ADAMTSL1: variants seen among roughly 807,000 people sequenced by gnomAD.
The protein encoded by ADAMTSL1 is ADAMTS like 1.
Under a neutral mutation model 201.8 loss-of-function variants are expected in ADAMTSL1, and 126 were observed. The observed-to-expected ratio is 0.62, with a 90% CI of 0.54 to 0.72. The LOEUF is 0.72. ADAMTSL1 is among the 30% of genes least tolerant of loss of function. ADAMTSL1 has a pLI of 0.00. For synonymous variants in ADAMTSL1, 1,121 were observed against 903.4 expected, an observed-to-expected ratio of 1.24 and a Z score of -4.32; for missense variants, 2,679 against 2,277.8, an observed-to-expected ratio of 1.18 and a Z score of -3.59.
At chr9:17,935,628 G>C (rs1260740413) in intron 1 of ADAMTSL1, among the ~76,000 whole-genome samples, 1 of 152,080 alleles carries the variant, frequency 6.6e-6, no homozygotes, top group Non-Finnish European at 1.5e-5. Context: ...TCTTTTATTT[G>C]CTCAGGTCAA....
chr9:18,754,280 T>C (rs1044073695), intron 16 of ADAMTSL1, among the ~76,000 whole-genome samples: 1 of 152,248 alleles, frequency 6.6e-6, no homozygotes, highest in Non-Finnish European at 1.5e-5. Context: ...ACACAACTAT[T>C]TTATCATAAT....
At chr9:18,166,495 A>C (rs1209922563) in intron 2 of ADAMTSL1, among the ~76,000 whole-genome samples, 1 of 151,956 alleles carries the variant, frequency 6.6e-6, no homozygotes, top group Non-Finnish European at 1.5e-5. Flanking sequence ...GAGGTGATAA[A>C]AAAATATTTG....
At chr9:18,896,207 A>T (rs989120213) in intron 26 of ADAMTSL1, among the ~76,000 whole-genome samples, 1 of 152,216 alleles carries the variant, frequency 6.6e-6, no homozygotes. Flanking sequence ...AAAGACATGA[A>T]TCTACAAATC....
chr9:18,053,900 T>G (rs1191181783), intron 1 of ADAMTSL1, among the ~76,000 whole-genome samples: 5 of 152,364 alleles, frequency 3.3e-5, no homozygotes, highest in African/African-American at 1.2e-4. Flanking sequence ...TTGTTTTTTC[T>G]TTTATTGTTG....
At chr9:18,764,388 T>C (rs1266431735) in intron 16 of ADAMTSL1, among the ~76,000 whole-genome samples, 1 of 152,254 alleles carries the variant, frequency 6.6e-6, no homozygotes, top group Non-Finnish European at 1.5e-5. Flanking sequence ...TCTAATAGTT[T>C]TCTTGTGGAG....
intron 1 of ADAMTSL1, among the ~76,000 whole-genome samples, chr9:17,984,969 TTG>T (rs1159306547): frequency 6.6e-6 from 1 of 152,110 alleles, no homozygotes. Context: ...CCTTAAACCA[TTG>T]TGTTTGAGCA....
In ADAMTSL1 at chr9:18,639,345, C is replaced by T. The variant is rs1345264130; in HGVS notation, c.768C>T (p.Phe256=). 2 of 1,612,986 alleles carry T rather than the reference C, an allele frequency of 1.2e-6. No homozygotes were observed. Among genetic ancestry groups the T allele is most frequent in the Admixed American group, 3.3e-5 (2 of 59,876 alleles). Residue 256 remains phenylalanine (F), a synonymous_variant, in exon 7 of 29, where the codon TTC becomes TTT. Coordinates refer to ENST00000380548, the MANE Select transcript of ADAMTSL1 (RefSeq NM_001040272.6). The part of the protein sequence containing the change: ...TFLVDNSSVD[F]QKFPDKEILR... ...TTGTGGACAATTCTAGTGTGGACTT[C>T]CAGAAATTTCCAGACAAAGAGATAC...
chr9:18,224,881 T>A (rs1403575477), intron 2 of ADAMTSL1, among the ~76,000 whole-genome samples: 1 of 152,200 alleles, frequency 6.6e-6, no homozygotes, highest in Non-Finnish European at 1.5e-5. Flanking sequence ...TCTGTCCTTT[T>A]GGTGTTCCGT....
intron 27 of ADAMTSL1, 143 bp downstream of exon 27, chr9:18,906,034 C>A: frequency 1.4e-6 from 1 of 708,022 alleles, no homozygotes; most frequent in South Asian, 1.8e-5. Flanking sequence ...CCGCAAGCCA[C>A]TGGCCTCCCC....
intron 1 of ADAMTSL1, among the ~76,000 whole-genome samples, chr9:17,927,836 T>C (rs1253153599): frequency 1.3e-5 from 2 of 152,122 alleles, no homozygotes; most frequent in East Asian, 3.9e-4. Context: ...CCATGGATAC[T>C]AAGAACAGCT....
chr9:18,902,400 T>C (rs1830063918), intron 26 of ADAMTSL1, among the ~76,000 whole-genome samples: 1 of 152,236 alleles, frequency 6.6e-6, no homozygotes, highest in Non-Finnish European at 1.5e-5. Flanking sequence ...AATGAATGTA[T>C]ACAGAGTATC....
intron 2 of ADAMTSL1, among the ~76,000 whole-genome samples, chr9:18,431,178 A>G (rs1231577299): frequency 6.6e-6 from 1 of 152,228 alleles, no homozygotes; most frequent in Non-Finnish European, 1.5e-5. Context: ...CATTCAAGAC[A>G]GACCTAGGGG....
chr9:18,520,354 T>A (rs1818619485), intron 2 of ADAMTSL1, among the ~76,000 whole-genome samples: 1 of 152,240 alleles, frequency 6.6e-6, no homozygotes, highest in Non-Finnish European at 1.5e-5. Context: ...TTAGTAACTC[T>A]CTGGATATAC....
intron 4 of ADAMTSL1, among the ~76,000 whole-genome samples, chr9:18,576,685 T>G (rs1822755077): frequency 1.3e-5 from 2 of 152,154 alleles, no homozygotes; most frequent in African/African-American, 4.8e-5. Context: ...TTGTTGTAAA[T>G]TTCTTCAGGA....
intron 1 of ADAMTSL1, among the ~76,000 whole-genome samples, chr9:17,974,751 G>T (rs1818369776): frequency 6.6e-6 from 1 of 151,974 alleles, no homozygotes; most frequent in South Asian, 2.1e-4. Context: ...GTATATTTGT[G>T]TATATCATAT....
At chr9:18,721,172 G>A (rs2133422486) in intron 14 of ADAMTSL1, among the ~76,000 whole-genome samples, 1 of 152,208 alleles carries the variant, frequency 6.6e-6, no homozygotes, top group Non-Finnish European at 1.5e-5. Flanking sequence ...GAAGGTTTTG[G>A]GCCCCTTTTT....
chr9:18,182,393 T>C (rs1204201578), intron 2 of ADAMTSL1, among the ~76,000 whole-genome samples: 1 of 152,152 alleles, frequency 6.6e-6, no homozygotes, highest in African/African-American at 2.4e-5. Context: ...TACATGTTGA[T>C]TTTTAAAAAG....
rs187414921 is a variant in ADAMTSL1 at position 18,842,571 on chromosome 9, G to A, written c.4249+12594G>A. Among the ~76,000 whole-genome samples, 14 of 152,294 alleles carry A rather than the reference G, an allele frequency of 9.2e-5. No individual in the cohort carries two copies. In the East Asian group the frequency reaches 2.7e-3, roughly 29 times the overall value. ...TATTAGGTCCGCTTGGTGCAGAGCTGAGTTCAATTCCTGGGTATCCTTATT... is the reference window on the plus strand; with the variant it reads ...TATTAGGTCCGCTTGGTGCAGAGCTAAGTTCAATTCCTGGGTATCCTTATT... On this transcript the variant is annotated intron_variant, in intron 23 of 28. Coordinates refer to ENST00000380548, the MANE Select transcript of ADAMTSL1 (RefSeq NM_001040272.6).
chr9:18,880,139 C>T (rs903271876), intron 23 of ADAMTSL1, among the ~76,000 whole-genome samples: 5 of 152,178 alleles, frequency 3.3e-5, no homozygotes, highest in African/African-American at 1.2e-4. Context: ...ACCACATCTG[C>T]AGTGACTTCC....
Sources: allele counts gnomAD v4.1 joint callset (sites outside exome capture counted in the v4.1 genomes callset), GRCh38; gene constraint gnomAD v4.1.1; transcripts MANE v1.5; gene names NCBI Gene and HGNC (gene_info 2026-07-23, HGNC 2026-07-21).